FAM227B: variants seen among roughly 807,000 people sequenced by gnomAD.
FAM227B encodes protein FAM227B.
Under a neutral mutation model 73.8 loss-of-function variants are expected in FAM227B, and 88 were observed. That is an observed-to-expected ratio of 1.19 (90% CI 1.00 to 1.42). FAM227B has a LOEUF of 1.42. FAM227B is among the 40% of genes most tolerant of loss of function. The pLI, the probability that FAM227B is intolerant of heterozygous loss-of-function variation, is 0.00. For synonymous variants in FAM227B, 210 were observed against 190.5 expected, an observed-to-expected ratio of 1.10 and a Z score of -0.84; for missense variants, 632 against 590.9, an observed-to-expected ratio of 1.07 and a Z score of -0.72.
At position 49,610,751 on chromosome 15, in the gene FAM227B, G is replaced by A. The variant is rs527567044; in HGVS notation, c.105+464C>T. Among the ~76,000 whole-genome samples the A allele has an allele frequency of 1.4e-4, 22 of 152,224 alleles. 2 individuals are homozygous for A. In the South Asian group the frequency reaches 1.4e-3, roughly 10 times the overall value. ...CTTAGCAAGTCCAATAACCCCAGGC[G>A]AAGTCAGTAATTTTGCATAACAATG... On this transcript the variant is annotated intron_variant, in intron 3 of 15. Coordinates refer to ENST00000299338, the MANE Select transcript of FAM227B (RefSeq NM_152647.3).
intron 13 of FAM227B, among the ~76,000 whole-genome samples, chr15:49,336,889 A>G (rs536230628): frequency 6.6e-6 from 1 of 152,134 alleles, no homozygotes; most frequent in Non-Finnish European, 1.5e-5. Flanking sequence ...TGCAGTGTCT[A>G]TTGTTGACAC....
chr15:49,600,915 G>A (rs540261551), intron 3 of FAM227B, among the ~76,000 whole-genome samples: 51 of 150,582 alleles, frequency 3.4e-4, no homozygotes, highest in African/African-American at 1.1e-3. Context: ...GGTGGTGTGC[G>A]CCTGTAATCC....
At chr15:49,345,626 T>A (rs973358134) in intron 13 of FAM227B, among the ~76,000 whole-genome samples, 1 of 152,242 alleles carries the variant, frequency 6.6e-6, no homozygotes, top group Non-Finnish European at 1.5e-5. Flanking sequence ...ATTGGCCTCA[T>A]ACTTTATATT....
chr15:49,595,019 C>T (rs188315155), intron 3 of FAM227B, among the ~76,000 whole-genome samples: 188 of 151,926 alleles, frequency 1.2e-3, no homozygotes, highest in African/African-American at 3.3e-3. Context: ...TTTGGCAGTA[C>T]GGTCATTTTC....
At chr15:49,415,237 T>C (rs776812644) in intron 11 of FAM227B, among the ~76,000 whole-genome samples, 5 of 152,194 alleles carry the variant, frequency 3.3e-5, no homozygotes, top group African/African-American at 9.6e-5. Flanking sequence ...ACAATTCATG[T>C]AGAACCAAAT....
intron 11 of FAM227B, among the ~76,000 whole-genome samples, chr15:49,412,792 T>C (rs1316048707): frequency 6.6e-6 from 1 of 152,108 alleles, no homozygotes; most frequent in Non-Finnish European, 1.5e-5. Context: ...AAACTTTCCT[T>C]TTGCACCAGA....
intron 11 of FAM227B, among the ~76,000 whole-genome samples, chr15:49,400,910 C>T (rs1375350403): frequency 6.6e-6 from 1 of 151,844 alleles, no homozygotes; most frequent in Non-Finnish European, 1.5e-5. Context: ...AGAAGAAAAC[C>T]TAGGCATTAC....
chr15:49,519,414 T>C (rs1181682256), intron 10 of FAM227B, among the ~76,000 whole-genome samples: 1 of 152,198 alleles, frequency 6.6e-6, no homozygotes, highest in African/African-American at 2.4e-5. Context: ...CACACTGCCC[T>C]TGCAGAGGTT....
intron 11 of FAM227B, among the ~76,000 whole-genome samples, chr15:49,429,830 A>T (rs986629745): frequency 2.0e-5 from 3 of 151,886 alleles, no homozygotes; most frequent in Admixed American, 2.0e-4. Flanking sequence ...TTACTGGGGA[A>T]TTAAGTCAGA....
chr15:49,422,947 C>G (rs994373190), intron 11 of FAM227B: 3 of 368,028 alleles, frequency 8.2e-6, no homozygotes, highest in African/African-American at 6.2e-5. Context: ...TATATATGTT[C>G]AAATGAATAA....
At chr15:49,389,398 C>A (rs2047068765) in intron 11 of FAM227B, among the ~76,000 whole-genome samples, 1 of 152,028 alleles carries the variant, frequency 6.6e-6, no homozygotes, top group East Asian at 1.9e-4. Context: ...AAACTGAAAA[C>A]CATATGTTCT....
chr15:49,359,022 A>G (rs1382000931), intron 13 of FAM227B, among the ~76,000 whole-genome samples: 4 of 152,040 alleles, frequency 2.6e-5, no homozygotes, highest in Non-Finnish European at 5.9e-5. Flanking sequence ...TGCTGGGAAA[A>G]CTGGCTAGCC....
intron 11 of FAM227B, among the ~76,000 whole-genome samples, chr15:49,504,581 G>A (rs1319715750): frequency 6.6e-6 from 1 of 151,764 alleles, no homozygotes; most frequent in South Asian, 2.1e-4. Context: ...TAAAATAAAG[G>A]TCATTCATGT....
chr15:49,415,326 T>G (rs773781220), intron 11 of FAM227B, among the ~76,000 whole-genome samples: 2 of 152,154 alleles, frequency 1.3e-5, no homozygotes, highest in Non-Finnish European at 2.9e-5. Context: ...CTTCTAGGGA[T>G]GAAGCAAAAT....
intron 9 of FAM227B, among the ~76,000 whole-genome samples, chr15:49,566,386 T>A (rs1004755798): frequency 6.6e-6 from 1 of 152,220 alleles, no homozygotes; most frequent in African/African-American, 2.4e-5. Flanking sequence ...TTTCTATGAA[T>A]ATCCTGCCTT....
intron 2 of FAM227B, among the ~76,000 whole-genome samples, chr15:49,612,935 A>G (rs753133726): frequency 4.6e-5 from 7 of 152,190 alleles, no homozygotes; most frequent in Non-Finnish European, 7.4e-5. Context: ...ATGAGTATTT[A>G]GTGAGAGTCA....
At chr15:49,508,812 G>A (rs1233986354) in intron 10 of FAM227B, among the ~76,000 whole-genome samples, 2 of 152,166 alleles carry the variant, frequency 1.3e-5, no homozygotes, top group African/African-American at 4.8e-5. Flanking sequence ...TCACTTGAGT[G>A]CTTCTAGATA....
At chr15:49,329,764 T>G in intron 15 of FAM227B, 1 of 971,414 alleles carries the variant, frequency 1.0e-6, no homozygotes, top group Non-Finnish European at 1.2e-6. Flanking sequence ...CACAAAGGAT[T>G]TGTGGTTGGT....
chr15:49,394,694 G>C (rs1308404724), intron 11 of FAM227B, among the ~76,000 whole-genome samples: 2 of 152,096 alleles, frequency 1.3e-5, no homozygotes, highest in Non-Finnish European at 2.9e-5. Flanking sequence ...TTGAAGGTGA[G>C]TGCAAATAAA....
Sources: gnomAD v4.1 joint callset for allele counts (sites outside exome capture counted in the v4.1 genomes callset) on GRCh38, gnomAD v4.1.1 for gene constraint, MANE v1.5 for transcripts, NCBI Gene and HGNC (gene_info 2026-07-23, HGNC 2026-07-21) for gene names.